Variants in TMEM117 observed in about 807,000 individuals in gnomAD.
The protein encoded by TMEM117 is transmembrane protein 117.
Under a neutral mutation model 52.4 loss-of-function variants are expected in TMEM117, and 27 were observed. The observed-to-expected ratio is 0.51, with a 90% CI of 0.38 to 0.71. The LOEUF (loss-of-function observed/expected upper bound fraction) is 0.71. Among genes scored for constraint, TMEM117 ranks in the 30% least tolerant of loss-of-function variants. TMEM117 has a pLI of 0.00. For synonymous variants in TMEM117, 215 were observed against 206.3 expected (o/e 1.04, Z -0.36); for missense variants, 556 against 630.5 (o/e 0.88, Z 1.26).
At chr12:44,066,759 G>T (rs946412029) in intron 3 of TMEM117, among the ~76,000 whole-genome samples, 1 of 152,176 alleles carries the variant, frequency 6.6e-6, no homozygotes, top group Non-Finnish European at 1.5e-5. Context: ...TGATGATAAT[G>T]GCTGCTGACT....
At chr12:43,815,680 G>C in the TMEM117 span, among the ~76,000 whole-genome samples, 2 of 152,244 alleles carry the variant, frequency 1.3e-5, no homozygotes, top group Non-Finnish European at 2.9e-5. Context: ...TGCTACTGCA[G>C]CCATAAACCA....
At chr12:44,398,998 C>T in the TMEM117 span, among the ~76,000 whole-genome samples, 1 of 152,100 alleles carries the variant, frequency 6.6e-6, no homozygotes, top group Admixed American at 6.6e-5. Context: ...TGTTAATTAG[C>T]TTGATTTAAT....
chr12:43,882,046 T>C (rs1023008898), intron 2 of TMEM117, among the ~76,000 whole-genome samples: 3 of 151,970 alleles, frequency 2.0e-5, no homozygotes, highest in South Asian at 2.1e-4. Flanking sequence ...CACTCCAGCC[T>C]GGGAGACAGA....
intron 2 of TMEM117, among the ~76,000 whole-genome samples, chr12:43,884,206 T>C (rs1056623673): frequency 2.0e-5 from 3 of 151,926 alleles, no homozygotes; most frequent in South Asian, 2.1e-4. Flanking sequence ...TTTACCCATA[T>C]TGACAGCAGA....
At chr12:43,867,900 T>G (rs1358371298) in intron 2 of TMEM117, among the ~76,000 whole-genome samples, 1 of 152,138 alleles carries the variant, frequency 6.6e-6, no homozygotes, top group Non-Finnish European at 1.5e-5. Flanking sequence ...ATATAGACAA[T>G]TCTAGCACAA....
chr12:44,354,165 G>T (rs1376864616), intron 6 of TMEM117, among the ~76,000 whole-genome samples: 1 of 152,102 alleles, frequency 6.6e-6, no homozygotes, highest in Non-Finnish European at 1.5e-5. Flanking sequence ...CTTTGCTGAA[G>T]TTGCTTATCA....
chr12:44,394,281 A>G (rs1193108238), downstream of TMEM117, among the ~76,000 whole-genome samples: 9 of 152,324 alleles, frequency 5.9e-5, no homozygotes, highest in Non-Finnish European at 4.4e-5. Context: ...AAGACTGTAT[A>G]TATGTGAAAG....
At chr12:44,149,514 T>C (rs1948691775) in intron 4 of TMEM117, among the ~76,000 whole-genome samples, 1 of 152,194 alleles carries the variant, frequency 6.6e-6, no homozygotes, top group African/African-American at 2.4e-5. Context: ...CAACCTAAAA[T>C]GTGGTGATGT....
intron 2 of TMEM117, among the ~76,000 whole-genome samples, chr12:43,907,048 C>G (rs1944404390): frequency 6.6e-6 from 1 of 152,212 alleles, no homozygotes; most frequent in Non-Finnish European, 1.5e-5. Context: ...GGGCAGGGCA[C>G]AGACAAACAA....
At chr12:44,175,045 C>T (rs11182432) in intron 4 of TMEM117, among the ~76,000 whole-genome samples, 9 of 151,992 alleles carry the variant, frequency 5.9e-5, no homozygotes, top group Non-Finnish European at 1.0e-4. Flanking sequence ...AGAGCTGGAG[C>T]GGTTGAAGGA....
rs889079389 is a variant in TMEM117 at position 44,218,546 on chromosome 12, C to T, written c.608+7159C>T. Among the ~76,000 whole-genome samples the T allele has an allele frequency of 2.6e-5, 4 of 152,116 alleles. No homozygotes were observed. The East Asian group carries it at 5.8e-4, about 22-fold the overall frequency. On this transcript the variant is annotated intron_variant, in intron 5 of 7. Transcript: ENST00000266534. Reference sequence around the variant, plus strand: ...TAACATCATACTCAGTGGTAAAACCCGAAAGCTTCTCCTCTGAACATGCCA... The same window carrying T: ...TAACATCATACTCAGTGGTAAAACCTGAAAGCTTCTCCTCTGAACATGCCA...
chr12:44,089,035 G>A (rs1947619299), intron 3 of TMEM117, among the ~76,000 whole-genome samples: 1 of 152,146 alleles, frequency 6.6e-6, no homozygotes, highest in South Asian at 2.1e-4. Context: ...AAGGGACCTG[G>A]TCAAATGTCA....
At chr12:44,121,772 T>C (rs1948239210) in intron 3 of TMEM117, among the ~76,000 whole-genome samples, 1 of 152,132 alleles carries the variant, frequency 6.6e-6, no homozygotes, top group South Asian at 2.1e-4. Flanking sequence ...TTGTGTGTTG[T>C]GGCAGTTTGG....
At chr12:44,021,620 T>C (rs1946457154) in intron 3 of TMEM117, among the ~76,000 whole-genome samples, 1 of 152,236 alleles carries the variant, frequency 6.6e-6, no homozygotes, top group African/African-American at 2.4e-5. Context: ...CTGTTTTACA[T>C]AGCTTGTGAA....
chr12:44,123,730 T>C (rs1948275515), intron 3 of TMEM117, among the ~76,000 whole-genome samples: 1 of 152,186 alleles, frequency 6.6e-6, no homozygotes, highest in African/African-American at 2.4e-5. Context: ...GTCTTATTTC[T>C]GGGTTTTCTA....
At chr12:43,877,015 T>C (rs575542826) in intron 2 of TMEM117, among the ~76,000 whole-genome samples, 1 of 152,352 alleles carries the variant, frequency 6.6e-6, no homozygotes, top group African/African-American at 2.4e-5. Context: ...AATGTCTGCT[T>C]ATTGTTCCAT....
At chr12:43,992,994 C>T (rs904759448) in intron 3 of TMEM117, among the ~76,000 whole-genome samples, 2 of 152,148 alleles carry the variant, frequency 1.3e-5, no homozygotes, top group African/African-American at 4.8e-5. Context: ...AATAACAATA[C>T]ACAGCAGTGT....
chr12:44,233,665 T>C (rs1308158835), intron 5 of TMEM117, among the ~76,000 whole-genome samples: 2 of 151,476 alleles, frequency 1.3e-5, no homozygotes, highest in African/African-American at 4.8e-5. Flanking sequence ...AAAAATATTT[T>C]ATTGTATCTT....
At chr12:43,962,472 A>G (rs1023669631) in intron 3 of TMEM117, among the ~76,000 whole-genome samples, 3 of 152,218 alleles carry the variant, frequency 2.0e-5, no homozygotes, top group African/African-American at 4.8e-5. Context: ...CTAAATTAAT[A>G]TCCTTATTTA....
Sources: allele counts gnomAD v4.1 joint callset (sites outside exome capture counted in the v4.1 genomes callset), GRCh38; gene constraint gnomAD v4.1.1; transcripts MANE v1.5; gene names NCBI Gene and HGNC (gene_info 2026-07-23, HGNC 2026-07-21).